RASAL2: variants seen among roughly 807,000 people sequenced by gnomAD.
The protein encoded by RASAL2 is ras GTPase-activating protein nGAP.
In RASAL2, 58 loss-of-function variants were observed where a neutral mutation model predicts 128.9. The ratio of observed to expected loss-of-function variants is 0.45; its 90% CI spans 0.36 to 0.56. RASAL2 has a LOEUF of 0.56. Ranked by LOEUF, RASAL2 falls within the 20% of genes least tolerant of loss-of-function variation. The pLI is 0.00. For missense variants in RASAL2, 1,360 were observed against 1,601.6 expected, an observed-to-expected ratio of 0.85 and a Z score of 2.57; for synonymous variants, 561 against 580.8, an observed-to-expected ratio of 0.97 and a Z score of 0.49.
intron 1 of RASAL2, among the ~76,000 whole-genome samples, chr1:178,251,436 A>G (rs1019633427): frequency 2.6e-5 from 4 of 152,236 alleles, no homozygotes; most frequent in African/African-American, 9.6e-5. Context: ...AGAAATGTAG[A>G]TACTTGCTGC....
chr1:178,461,736 CCAAA>C (rs1449953689), intron 14 of RASAL2, among the ~76,000 whole-genome samples: 1 of 152,114 alleles, frequency 6.6e-6, no homozygotes, highest in Non-Finnish European at 1.5e-5. Flanking sequence ...TCAAGAACTC[CCAAA>C]GTTTGTGGAT....
At chr1:178,096,464 TTGTG>T (rs57531713) in intron 1 of RASAL2, among the ~76,000 whole-genome samples, 19,845 of 148,378 alleles carry the variant, frequency 0.13, 1,881 homozygotes, top group African/African-American at 0.27. Context: ...ATTGTATATT[TTGTG>T]TGTGTGTGTG....
Position 178,439,413 on chromosome 1 carries a change from T to C in RASAL2, c.675-9T>C, listed in dbSNP as rs776272459. The C allele has an allele frequency of 3.1e-6, 5 of 1,597,248 alleles. No individual in the cohort carries two copies. In the South Asian group the frequency reaches 5.7e-5, roughly 18 times the overall value. ...TTACACTACCTTAAATATCTTTTTCTACTTTTAGGTCTCGTGGGCTGCCTA... is the reference window on the plus strand; with the variant it reads ...TTACACTACCTTAAATATCTTTTTCCACTTTTAGGTCTCGTGGGCTGCCTA... On this transcript the variant is annotated splice_polypyrimidine_tract_variant and intron_variant, in intron 5 of 17. Transcript: ENST00000367649.
intron 1 of RASAL2, among the ~76,000 whole-genome samples, chr1:178,111,813 T>A: frequency 6.6e-6 from 1 of 152,190 alleles, no homozygotes; most frequent in South Asian, 2.1e-4. Flanking sequence ...CACTGCAACC[T>A]CCGCCTCCCG....
intron 1 of RASAL2, among the ~76,000 whole-genome samples, chr1:178,231,279 C>T (rs1286223483): frequency 6.6e-6 from 1 of 152,156 alleles, no homozygotes; most frequent in Non-Finnish European, 1.5e-5. Flanking sequence ...TGACTAGATA[C>T]CTACTGTAAC....
At chr1:178,350,313 T>TG (rs1343787837) in intron 3 of RASAL2, among the ~76,000 whole-genome samples, 1 of 152,188 alleles carries the variant, frequency 6.6e-6, no homozygotes, top group Non-Finnish European at 1.5e-5. Context: ...CTCAACCTCC[T>TG]GGGTTCAAGC....
At chr1:178,096,319 G>A (rs1323406030) in intron 1 of RASAL2, among the ~76,000 whole-genome samples, 1 of 152,122 alleles carries the variant, frequency 6.6e-6, no homozygotes, top group African/African-American at 2.4e-5. Context: ...TGATAATTCG[G>A]TATTTCAGTA....
At chr1:178,311,228 A>T (rs979441206) in intron 3 of RASAL2, among the ~76,000 whole-genome samples, 3 of 145,888 alleles carry the variant, frequency 2.1e-5, no homozygotes, top group Admixed American at 7.3e-5. Context: ...AACGAGAAAG[A>T]AGAAAACAGC....
chr1:178,464,831 G>GTTTTTTTTTTTTTTTTTTTTTTTTTT lies in RASAL2; in HGVS notation c.3387+444_3387+445insTTTTTTTTTTTTTTTTTTTTTTTTTT, dbSNP rs986789340. Among the ~76,000 whole-genome samples the GTTTTTTTTTTTTTTTTTTTTTTTTTT allele has an allele frequency of 9.7e-4, 37 of 38,200 alleles. 3 individuals are homozygous for GTTTTTTTTTTTTTTTTTTTTTTTTTT. The highest frequency in any genetic ancestry group is 4.1e-3 in the African/African-American group (34 of 8,236). 25.1% of individuals were successfully genotyped at this position (38,200 alleles called of 152,430 possible). ...TAACAATTAGGTTTTGGTTTTAGTT[G>GTTTTTTTTTTTTTTTTTTTTTTTTTT]TTTTTTTTTTTTTTTTTTTTTTTTT... On this transcript the variant is annotated intron_variant, in intron 15 of 17. Coordinates refer to ENST00000367649, the MANE Select transcript of RASAL2 (RefSeq NM_170692.4).
chr1:178,194,463 G>C (rs1053756134), intron 1 of RASAL2: 1 of 203,658 alleles, frequency 4.9e-6, no homozygotes. Context: ...CTTGCCTCTG[G>C]AAGTACAGGA....
In RASAL2 at chr1:178,457,941, G is replaced by T; in HGVS notation, c.2649G>T (p.Gln883His). ...RLTGSQLSIT[Q>H]VASIKQLRET... ...CCGGAAGCCAGCTTTCCATAACCCA[G>T]GTGGCCAGCATCAAACAGCTGCGGG... The change falls in exon 14 of 18, where the codon CAG becomes CAT. Residue 883 changes from glutamine (Q) to histidine (H), a missense_variant. Coordinates refer to ENST00000367649, the MANE Select transcript of RASAL2 (RefSeq NM_170692.4). The T allele has an allele frequency of 1.9e-6, 3 of 1,614,138 alleles. No individual in the cohort carries two copies. Among genetic ancestry groups the T allele is most frequent in the Non-Finnish European group, 2.5e-6 (3 of 1,180,036 alleles).
At chr1:178,468,779 G>A (rs934647367) in intron 17 of RASAL2, among the ~76,000 whole-genome samples, 1 of 152,086 alleles carries the variant, frequency 6.6e-6, no homozygotes, top group Non-Finnish European at 1.5e-5. Flanking sequence ...TGGAGACTAG[G>A]CCATCTCACT....
chr1:178,133,896 A>G (rs1480927268), intron 1 of RASAL2, among the ~76,000 whole-genome samples: 1 of 152,146 alleles, frequency 6.6e-6, no homozygotes, highest in Non-Finnish European at 1.5e-5. Context: ...TCATGTGGAG[A>G]TACCTTTTCT....
chr1:178,158,949 G>A (rs1464686615), intron 1 of RASAL2, among the ~76,000 whole-genome samples: 3 of 152,140 alleles, frequency 2.0e-5, no homozygotes, highest in Admixed American at 2.0e-4. Context: ...AATGTTTCTT[G>A]ATGACTTCTA....
chr1:178,131,178 C>T (rs1333907987), intron 1 of RASAL2, among the ~76,000 whole-genome samples: 1 of 151,888 alleles, frequency 6.6e-6, no homozygotes, highest in Non-Finnish European at 1.5e-5. Context: ...TGCCAAGACC[C>T]TTTTAAAGGC....
chr1:178,382,357 G>C lies in RASAL2; in HGVS notation c.458-7743G>C, dbSNP rs73035288. 1.0e-2 allele frequency among the ~76,000 whole-genome samples: 1,522 copies of C among 152,250 alleles called. 22 individuals carry two copies. The highest frequency in any genetic ancestry group is 0.034 in the African/African-American group (1,427 of 41,536). The stretch of plus-strand genomic sequence containing the variant: ...GTTTTTATCAGCATCAGCATTCAAG[G>C]ATTGAGTTGTTCTTTACAGGTTTTG... On this transcript the variant is annotated intron_variant, in intron 3 of 17. Transcript: ENST00000367649.
intron 1 of RASAL2, among the ~76,000 whole-genome samples, chr1:178,221,389 T>A (rs1369733391): frequency 6.6e-6 from 1 of 152,204 alleles, no homozygotes; most frequent in Non-Finnish European, 1.5e-5. Context: ...TTTTTTAAGA[T>A]ATGCATTTCA....
chr1:178,381,600 T>C (rs1672291960), intron 3 of RASAL2, among the ~76,000 whole-genome samples: 1 of 152,174 alleles, frequency 6.6e-6, no homozygotes, highest in South Asian at 2.1e-4. Flanking sequence ...ATGTTTTCTT[T>C]TTTTAATGTC....
intron 5 of RASAL2, among the ~76,000 whole-genome samples, chr1:178,437,063 G>C (rs1457600332): frequency 1.3e-5 from 2 of 152,060 alleles, no homozygotes; most frequent in Non-Finnish European, 2.9e-5. Flanking sequence ...GCTTCTTGCT[G>C]CCTTCCAGCT....
Sources: gnomAD v4.1 joint callset for allele counts (sites outside exome capture counted in the v4.1 genomes callset) on GRCh38, gnomAD v4.1.1 for gene constraint, MANE v1.5 for transcripts, NCBI Gene and HGNC (gene_info 2026-07-23, HGNC 2026-07-21) for gene names.